ZNF408: variants seen among roughly 807,000 people sequenced by gnomAD.
The protein encoded by ZNF408 is PR domain zinc finger protein 17.
A neutral mutation model predicts 27.6 loss-of-function variants in ZNF408; 24 were observed. That is an observed-to-expected ratio of 0.87 (90% CI 0.63 to 1.22). ZNF408 has a LOEUF of 1.22. Ranked by LOEUF, ZNF408 falls within the 50% of genes most tolerant of loss-of-function variation. ZNF408 has a pLI of 0.00. For missense variants in ZNF408, 897 were observed against 949.0 expected (o/e 0.95, Z 0.72); for synonymous variants, 410 against 396.1 (o/e 1.04, Z -0.42).
chr11:46,705,298 TC>T lies in ZNF408; in HGVS notation c.1603del (p.Gln535SerfsTer166). Reference sequence around the variant, plus strand: ...CGCTGCCCACACTGTGCCGATGCCTTCCCCCAGCTGCCTGAACTGCGGCGCC... The same window carrying T: ...CGCTGCCCACACTGTGCCGATGCCTTCCCCAGCTGCCTGAACTGCGGCGCC... ...PYRCPHCADAFPQLPELRRHL... is the reference protein window; with the variant it reads ...PYRCPHCADAXPQLPELRRHL... On this transcript the variant is annotated frameshift_variant, in exon 5 of 5. Coordinates refer to ENST00000311764, the MANE Select transcript of ZNF408 (RefSeq NM_024741.3). LOFTEE classifies it low-confidence loss of function (END_TRUNC). The surrounding 1 kb of genome is among the most constrained non-coding windows in gnomAD (Gnocchi z 6.5). 6.2e-7 allele frequency: 1 copy of T among 1,611,584 alleles called. No individual in the cohort carries two copies.
intron 1 of ZNF408, 120 bp from the exon 2 acceptor site, chr11:46,701,279 G>C (rs1297452342): frequency 1.5e-5 from 24 of 1,564,678 alleles, no homozygotes; most frequent in Non-Finnish European, 2.1e-5. Context: ...GCCCTCCTTA[G>C]AGCCCTCACC....
rs768984840 is a variant in ZNF408, at chr11:46,701,510, A to T, written c.164A>T (p.Lys55Met). ...PEPTRDILAL[K>M]SLPRGLALGP... ...CCGACCCGAGACATCCTCGCTTTAA[A>T]GAGCCTTCCCCGGGGCTTGGCCCTT... The change falls in exon 2 of 5, where the codon AAG (lysine) becomes ATG (methionine). Residue 55 changes from lysine (K) to methionine (M), a missense_variant. By Grantham distance (95) the Lys-to-Met change is moderately conservative. Coordinates refer to ENST00000311764, the MANE Select transcript of ZNF408 (RefSeq NM_024741.3). The T allele has an allele frequency of 2.5e-6, 4 of 1,613,854 alleles. No homozygotes were observed. Among genetic ancestry groups the T allele is most frequent in the Non-Finnish European group, 3.4e-6 (4 of 1,179,998 alleles).
Position 46,705,640 on chromosome 11 carries a change from C to G in ZNF408, c.1940C>G (p.Pro647Arg). Reference protein sequence around the residue: ...PPSVPSAASEPTVVLLQAEPQ... With the variant: ...PPSVPSAASERTVVLLQAEPQ... ...TCTGTGCCTTCTGCTGCTTCTGAGC[C>G]CACTGTGGTGCTCCTGCAGGCTGAG... The change falls in exon 5 of 5, where the codon CCC becomes CGC. Residue 647 changes from proline to arginine, a missense_variant. Pro to Arg is a moderately radical substitution (Grantham distance 103, BLOSUM62 -2). Transcript: ENST00000311764. This position sits in a 1 kb window ranked among gnomAD's most constrained non-coding sequence, Gnocchi z 6.5. The G allele has an allele frequency of 6.2e-7, 1 of 1,613,526 alleles. No individual in the cohort carries two copies. The highest frequency in any genetic ancestry group is 1.7e-5 in the Admixed American group (1 of 60,022).
In ZNF408 at chr11:46,705,207, C is replaced by A. The variant is rs1373249091; in HGVS notation, c.1507C>A (p.Arg503=). The change falls in exon 5 of 5, where the codon CGG becomes AGG. Residue 503 remains arginine (R), a synonymous_variant. Transcript: ENST00000311764. The surrounding 1 kb of genome is among the most constrained non-coding windows in gnomAD (Gnocchi z 6.5). ...GCCTTTCCTGTGCCCGCACTGTGGC[C>A]GGGCGTTTCGTCAGCGGGGCAACCT... The part of the protein sequence containing the change: ...EKPFLCPHCG[R]AFRQRGNLRG... 2 of 1,611,822 alleles carry A rather than the reference C, an allele frequency of 1.2e-6. No homozygotes were observed. The highest frequency in any genetic ancestry group is 1.7e-6 in the Non-Finnish European group (2 of 1,179,900).
chr11:46,703,761 G>T (rs57920260), intron 4 of ZNF408, among the ~76,000 whole-genome samples: 22,407 of 79,010 alleles, frequency 0.28, 6,017 homozygotes, highest in East Asian at 0.69. Context: ...TGTTGTTGTT[G>T]TTGTTGTTGT....
intron 1 of ZNF408, 96 bp downstream of exon 1, chr11:46,701,195 C>T (rs1417641643): frequency 6.2e-7 from 1 of 1,602,642 alleles, no homozygotes; most frequent in Non-Finnish European, 8.5e-7. Flanking sequence ...TCCTCCGGAT[C>T]CCAGGATCCT....
At chr11:46,703,944 C>T (rs943887217) in intron 4 of ZNF408, among the ~76,000 whole-genome samples, 1 of 151,636 alleles carries the variant, frequency 6.6e-6, no homozygotes, top group Non-Finnish European at 1.5e-5. Context: ...GTCAGCCAGG[C>T]TGGTCTCGAA....
Position 46,701,694 on chromosome 11 carries a change from G to A in ZNF408, c.330+18G>A, listed in dbSNP as rs749262431. On this transcript the variant is annotated intron_variant, in intron 2 of 4. Transcript: ENST00000311764. The stretch of plus-strand genomic sequence containing the variant: ...AGGAGGAGGTATTGAAGGATAGAGC[G>A]ACTTCCCTCCGCCCTTGAAAATGTA... 6.5e-7 allele frequency: 1 copy of A among 1,529,274 alleles called. No individual in the cohort carries two copies. The highest frequency in any genetic ancestry group is 8.8e-7 in the Non-Finnish European group (1 of 1,133,906). The allele number at this position is 1,529,274 out of a possible 1,614,324, so 94.7% of individuals were successfully genotyped here. A position where few individuals can be genotyped will look rare whatever the true frequency, so the allele number is the denominator to read the frequency against.
Position 46,705,799 on chromosome 11 carries a change from T to C in ZNF408, c.2099T>C (p.Leu700Pro). ...CCAGATGCCGCCCCCAGCCTGGTGC[T>C]AATCCATAAGGACATGGGCCTCGGC... ...EEPDAAPSLV[L>P]IHKDMGLGAW... Residue 700 changes from leucine to proline, a missense_variant, in exon 5 of 5, where the codon CTA becomes CCA. Physicochemically the swap from Leu to Pro is moderately conservative, Grantham distance 98. Transcript: ENST00000311764. This position sits in a 1 kb window ranked among gnomAD's most constrained non-coding sequence, Gnocchi z 6.5. The C allele has an allele frequency of 1.2e-6, 2 of 1,612,176 alleles. No individual in the cohort carries two copies. Among genetic ancestry groups the C allele is most frequent in the Non-Finnish European group, 1.7e-6 (2 of 1,179,354 alleles).
Position 46,704,653 on chromosome 11 carries a change from C to T in ZNF408, c.953C>T (p.Pro318Leu). The change falls in exon 5 of 5, where the codon CCC becomes CTC. Residue 318 changes from proline to leucine, a missense_variant. Transcript: ENST00000311764. ...KLHSPSDQCPPRAKTPEPGAQ... is the reference protein window; with the variant it reads ...KLHSPSDQCPLRAKTPEPGAQ... ...CACAGCCCCAGTGATCAGTGCCCAC[C>T]CAGAGCAAAGACCCCAGAGCCTGGA... 6.2e-7 allele frequency: 1 copy of T among 1,613,814 alleles called. No homozygotes were observed.
In ZNF408 at chr11:46,705,517, C is replaced by T; in HGVS notation, c.1817C>T (p.Pro606Leu). ...RHLKSHLEDK[P>L]YRCPTCGMGY... ...CTCAAATCTCACTTGGAGGACAAGC[C>T]CTACCGCTGCCCCACCTGTGGCATG... The change falls in exon 5 of 5, where the codon CCC becomes CTC. Residue 606 changes from proline (P) to leucine (L), a missense_variant. Transcript: ENST00000311764. The surrounding 1 kb of genome is among the most constrained non-coding windows in gnomAD (Gnocchi z 6.5). The T allele has an allele frequency of 6.2e-7, 1 of 1,604,780 alleles. No individual in the cohort carries two copies. Among genetic ancestry groups the T allele is most frequent in the Non-Finnish European group, 8.5e-7 (1 of 1,179,982 alleles).
chr11:46,705,734 T>G lies in ZNF408; in HGVS notation c.2034T>G (p.Ile678Met), dbSNP rs780519489. Residue 678 changes from isoleucine (I) to methionine (M), a missense_variant, in exon 5 of 5, where the codon ATT becomes ATG. Physicochemically the swap from Ile to Met is conservative, Grantham distance 10. Coordinates refer to ENST00000311764, the MANE Select transcript of ZNF408 (RefSeq NM_024741.3). The surrounding 1 kb of genome is among the most constrained non-coding windows in gnomAD (Gnocchi z 6.5). ...SPARDVVEVT[I>M]SESQEKCFVV... is the part of the protein sequence containing the mutation. ...CCAGGGATGTTGTTGAGGTCACCAT[T>G]TCAGAAAGCCAGGAGAAGTGCTTTG... 6.2e-7 allele frequency: 1 copy of G among 1,612,400 alleles called. No homozygotes were observed. Among genetic ancestry groups the G allele is most frequent in the South Asian group, 1.1e-5 (1 of 90,744 alleles).
At position 46,703,758 on chromosome 11, in the gene ZNF408, G is replaced by GTT. The variant is rs371644247; in HGVS notation, c.652+516_652+517dup. ...TTTGTTTTGTTTTGTTGTTGTTGTTGTTGTTGTTGTTGTTTTTTTTTTTTT... is the reference window on the plus strand; with the variant it reads ...TTTGTTTTGTTTTGTTGTTGTTGTTGTTTTGTTGTTGTTGTTTTTTTTTTTTT... On this transcript the variant is annotated intron_variant, in intron 4 of 4. Transcript: ENST00000311764. 4.9e-3 allele frequency among the ~76,000 whole-genome samples: 463 copies of GTT among 94,058 alleles called. 61 individuals carry two copies. Among genetic ancestry groups the GTT allele is most frequent in the Non-Finnish European group, 5.0e-3 (249 of 49,476 alleles). 61.7% of individuals were successfully genotyped at this position (94,058 alleles called of 152,430 possible). A position where few individuals can be genotyped will look rare whatever the true frequency, so the allele number is the denominator to read the frequency against.
rs146133147 is a variant in ZNF408 at position 46,704,864 on chromosome 11, G to A, written c.1164G>A (p.Lys388=). 4.4e-6 allele frequency: 7 copies of A among 1,604,254 alleles called. No individual in the cohort carries two copies. Among genetic ancestry groups the A allele is most frequent in the Non-Finnish European group, 6.0e-6 (7 of 1,174,840 alleles). Residue 388 remains lysine (K), a synonymous_variant, in exon 5 of 5, where the codon AAG becomes AAA. Coordinates refer to ENST00000311764, the MANE Select transcript of ZNF408 (RefSeq NM_024741.3). ...HKPFLCTECG[K]SYSSEESFKA... The stretch of plus-strand genomic sequence containing the variant: ...CCTTTCTTTGCACTGAGTGTGGCAA[G>A]AGCTATAGCTCAGAGGAGAGCTTCA...
chr11:46,705,816 G>A lies in ZNF408; in HGVS notation c.2116G>A (p.Gly706Ser). 6.2e-7 allele frequency: 1 copy of A among 1,612,564 alleles called. No individual in the cohort carries two copies. Among genetic ancestry groups the A allele is most frequent in the Non-Finnish European group, 8.5e-7 (1 of 1,179,548 alleles). Residue 706 changes from glycine to serine, a missense_variant, in exon 5 of 5, where the codon GGC (glycine) becomes AGC (serine). Gly to Ser is a moderately conservative substitution (Grantham distance 56). Coordinates refer to ENST00000311764, the MANE Select transcript of ZNF408 (RefSeq NM_024741.3). The surrounding 1 kb of genome is among the most constrained non-coding windows in gnomAD (Gnocchi z 6.5). ...PSLVLIHKDM[G>S]LGAWAEVVEV... Reference sequence around the variant, plus strand: ...CCTGGTGCTAATCCATAAGGACATGGGCCTCGGCGCCTGGGCAGAGGTGGT... The same window carrying A: ...CCTGGTGCTAATCCATAAGGACATGAGCCTCGGCGCCTGGGCAGAGGTGGT...
At position 46,701,636 on chromosome 11, in the gene ZNF408, C is replaced by T. The variant is rs2064707857; in HGVS notation, c.290C>T (p.Ser97Phe). Residue 97 changes from serine (S) to phenylalanine (F), a missense_variant, in exon 2 of 5, where the codon TCC becomes TTC. Coordinates refer to ENST00000311764, the MANE Select transcript of ZNF408 (RefSeq NM_024741.3). ...LWGPLEEESA[S>F]KEKGEGVKPR... ...GGGCCGCTGGAAGAGGAGTCTGCCT[C>T]CAAGGAGAAGGGCGAGGGAGTAAAG... The T allele has an allele frequency of 6.2e-7, 1 of 1,604,762 alleles. No homozygotes were observed. Among genetic ancestry groups the T allele is most frequent in the Non-Finnish European group, 8.5e-7 (1 of 1,174,202 alleles).
chr11:46,702,604 A>C (rs2134506977), intron 2 of ZNF408, 100 bp from the exon 3 acceptor site: 1 of 1,218,080 alleles, frequency 8.2e-7, no homozygotes, highest in African/African-American at 1.5e-5. Context: ...CAGGAGTTTC[A>C]TCTTAAATTT....
Position 46,702,741 on chromosome 11 carries a change from G to T in ZNF408, c.368G>T (p.Cys123Phe), listed in dbSNP as rs1164972461. 6.2e-7 allele frequency: 1 copy of T among 1,614,244 alleles called. No homozygotes were observed. The highest frequency in any genetic ancestry group is 8.5e-7 in the Non-Finnish European group (1 of 1,180,044). The change falls in exon 3 of 5, where the codon TGT (cysteine) becomes TTT (phenylalanine). Residue 123 changes from cysteine (C) to phenylalanine (F), a missense_variant. By Grantham distance (205) the Cys-to-Phe change is radical (BLOSUM62 -2). Transcript: ENST00000311764. ...SLGPWGDVCACEQSSGWTSLV... is the reference protein window; with the variant it reads ...SLGPWGDVCAFEQSSGWTSLV... ...GGCCCATGGGGAGACGTGTGTGCCTGTGAGCAGAGTTCTGGCTGGACTAGG... is the reference window on the plus strand; with the variant it reads ...GGCCCATGGGGAGACGTGTGTGCCTTTGAGCAGAGTTCTGGCTGGACTAGG...
At chr11:46,701,949 C>G (rs1348970619) in intron 2 of ZNF408, 1 of 340,356 alleles carries the variant, frequency 2.9e-6, no homozygotes, top group Non-Finnish European at 5.3e-6. Flanking sequence ...GGATCAAATT[C>G]CAGCTTTGTC....
Sources: gnomAD v4.1 joint callset for allele counts (sites outside exome capture counted in the v4.1 genomes callset) on GRCh38, gnomAD v4.1.1 for gene constraint, Gnocchi (gnomAD v3.1) non-coding constraint, MANE v1.5 for transcripts, NCBI Gene and HGNC (gene_info 2026-07-23, HGNC 2026-07-21) for gene names.